ADCY9: variants seen among roughly 807,000 people sequenced by gnomAD.
The protein encoded by ADCY9 is adenylate cyclase type 9.
In ADCY9, 50 loss-of-function variants were observed where a neutral mutation model predicts 101.5. The observed-to-expected ratio is 0.49, with a 90% CI of 0.39 to 0.62. The LOEUF is 0.62. ADCY9 is among the 20% of genes least tolerant of loss of function. The pLI is 0.00. For missense variants in ADCY9, 1,662 were observed against 1,800.4 expected (o/e 0.92, Z 1.39); for synonymous variants, 905 against 769.3 (o/e 1.18, Z -2.92).
At chr16:3,993,215 C>G (rs1196772808) in intron 4 of ADCY9, 191 bp downstream of exon 4, 3 of 967,546 alleles carry the variant, frequency 3.1e-6, no homozygotes, top group Non-Finnish European at 4.5e-6. Context: ...CTGGTTTCCA[C>G]GTGGGTTGCT....
chr16:3,976,250 C>T (rs1279556942), intron 9 of ADCY9, among the ~76,000 whole-genome samples: 1 of 152,100 alleles, frequency 6.6e-6, no homozygotes, highest in Admixed American at 6.6e-5. Flanking sequence ...CTTCAGCCTC[C>T]CAAAAGTGGT....
chr16:4,026,380 C>T (rs527724891), intron 2 of ADCY9, among the ~76,000 whole-genome samples: 5 of 144,626 alleles, frequency 3.5e-5, no homozygotes, highest in East Asian at 2.0e-4. Context: ...GCTGAGATCA[C>T]GCCATTGCAC....
intron 2 of ADCY9, among the ~76,000 whole-genome samples, chr16:4,020,022 G>A (rs896917547): frequency 6.6e-5 from 10 of 151,976 alleles, no homozygotes; most frequent in African/African-American, 2.4e-4. Context: ...AGGCTGCAGT[G>A]AGCTGAGATC....
At chr16:4,017,750 G>T (rs1567439428) in intron 2 of ADCY9, among the ~76,000 whole-genome samples, 1 of 151,698 alleles carries the variant, frequency 6.6e-6, no homozygotes, top group Non-Finnish European at 1.5e-5. Context: ...CATAGCAAAA[G>T]TTCAGAAGTC....
intron 5 of ADCY9, among the ~76,000 whole-genome samples, chr16:3,954,339 T>C (rs1042963926): frequency 2.0e-5 from 3 of 152,108 alleles, no homozygotes; most frequent in Middle Eastern, 3.4e-3. Flanking sequence ...CTAATTCCAA[T>C]TGGTGGGATT....
intron 2 of ADCY9, among the ~76,000 whole-genome samples, chr16:4,108,473 G>A (rs1008201700): frequency 2.2e-5 from 3 of 134,630 alleles, no homozygotes; most frequent in Non-Finnish European, 3.1e-5. Flanking sequence ...TCCTGGGTTC[G>A]AACGATTCTC....
chr16:4,026,842 A>C (rs956129250), intron 2 of ADCY9, among the ~76,000 whole-genome samples: 4 of 152,218 alleles, frequency 2.6e-5, no homozygotes, highest in Non-Finnish European at 4.4e-5. Context: ...GCCTGGAGGC[A>C]GGGAACTTAA....
intron 2 of ADCY9, among the ~76,000 whole-genome samples, chr16:4,021,729 C>T (rs558573915): frequency 6.6e-6 from 1 of 152,184 alleles, no homozygotes; most frequent in African/African-American, 2.4e-5. Context: ...CCCTTATTGC[C>T]GACATCCATT....
intron 10 of ADCY9, among the ~76,000 whole-genome samples, chr16:3,971,962 G>C (rs549174363): frequency 4.6e-5 from 7 of 152,268 alleles, no homozygotes; most frequent in Admixed American, 1.3e-4. Flanking sequence ...GCAGCACATG[G>C]GCTAGTGCCA....
chr16:3,984,390 C>A (rs894363249), intron 6 of ADCY9, among the ~76,000 whole-genome samples: 2 of 152,186 alleles, frequency 1.3e-5, no homozygotes, highest in Non-Finnish European at 2.9e-5. Context: ...TAGAGAGGCA[C>A]ACACTAGTGT....
chr16:4,082,757 C>A (rs149343933), intron 2 of ADCY9, among the ~76,000 whole-genome samples: 4 of 152,182 alleles, frequency 2.6e-5, no homozygotes, highest in Non-Finnish European at 4.4e-5. Context: ...CACACGCACA[C>A]ACACCATGCA....
At chr16:3,984,857 G>A (rs1022650357) in intron 6 of ADCY9, among the ~76,000 whole-genome samples, 5 of 152,192 alleles carry the variant, frequency 3.3e-5, no homozygotes, top group Non-Finnish European at 4.4e-5. Context: ...CCCTGGGTGC[G>A]GTGTGCGTTC....
chr16:3,979,055 G>C (rs1043067673), intron 8 of ADCY9, 61 bp downstream of exon 8: 23 of 1,596,836 alleles, frequency 1.4e-5, no homozygotes, highest in African/African-American at 2.7e-5. Context: ...GTGATTTAAA[G>C]AAAAGAGAGA....
intron 3 of ADCY9, among the ~76,000 whole-genome samples, chr16:4,000,752 A>T (rs1052084391): frequency 6.6e-6 from 1 of 152,064 alleles, no homozygotes; most frequent in Non-Finnish European, 1.5e-5. Flanking sequence ...TGGGCTCAAT[A>T]ACCAGGCTGG....
intron 2 of ADCY9, among the ~76,000 whole-genome samples, chr16:4,070,010 A>G (rs1433836250): frequency 2.0e-5 from 3 of 152,140 alleles, no homozygotes; most frequent in Non-Finnish European, 2.9e-5. Flanking sequence ...AGGCACAAGA[A>G]TTGCTTGAAC....
chr16:4,015,890 C>G (rs2056435300), intron 2 of ADCY9, among the ~76,000 whole-genome samples: 1 of 151,986 alleles, frequency 6.6e-6, no homozygotes, highest in Admixed American at 6.5e-5. Context: ...ATCTCTCGAA[C>G]CCGGGAGGCA....
chr16:4,028,503 A>C (rs2056532604), intron 2 of ADCY9, among the ~76,000 whole-genome samples: 1 of 152,218 alleles, frequency 6.6e-6, no homozygotes, highest in African/African-American at 2.4e-5. Flanking sequence ...GCTACAAAAG[A>C]CTACAATAGT....
chr16:3,999,680 C>T (rs2056316438), intron 3 of ADCY9, among the ~76,000 whole-genome samples: 1 of 152,286 alleles, frequency 6.6e-6, no homozygotes, highest in East Asian at 1.9e-4. Flanking sequence ...GCCTGGGTAA[C>T]CTGAGATTCC....
chr16:3,999,656 G>A (rs1190218379), intron 3 of ADCY9, among the ~76,000 whole-genome samples: 1 of 152,234 alleles, frequency 6.6e-6, no homozygotes, highest in Admixed American at 6.5e-5. Context: ...GGGCCAGGGA[G>A]TTTGCTGGCT....
Sources: allele counts gnomAD v4.1 joint callset (sites outside exome capture counted in the v4.1 genomes callset), GRCh38; gene constraint gnomAD v4.1.1; transcripts MANE v1.5; gene names NCBI Gene and HGNC (gene_info 2026-07-23, HGNC 2026-07-21).